Variants in DSG4 observed in about 807,000 individuals in gnomAD.
DSG4 encodes desmoglein 4, also known as desmoglein-4.
In DSG4, 87 loss-of-function variants were observed where a neutral mutation model predicts 93.1. The observed-to-expected ratio is 0.93, with a 90% confidence interval of 0.79 to 1.12. DSG4 has a LOEUF of 1.12. Ranked by LOEUF, DSG4 falls within the 50% of genes most tolerant of loss-of-function variation. The probability of loss-of-function intolerance (pLI) is 0.00; values close to 1 mark genes in which losing one functional copy is unlikely to be tolerated. For missense variants in DSG4, 1,373 were observed against 1,285.7 expected, an observed-to-expected ratio of 1.07 and a Z score of -1.04; for synonymous variants, 432 against 452.9, an observed-to-expected ratio of 0.95 and a Z score of 0.59.
rs142447924 is a variant in DSG4, at chr18:31,380,243, G to A, written c.48+3284G>A. Among the ~76,000 whole-genome samples, 388 of 152,226 alleles carry A rather than the reference G, an allele frequency of 2.5e-3. 2 individuals carry two copies. Among genetic ancestry groups the A allele is most frequent in the African/African-American group, 9.0e-3 (375 of 41,514 alleles). On this transcript the variant is annotated intron_variant, in intron 1 of 15. Transcript: ENST00000308128. ...CCTAAAAAGATTTCATGGCCCTTGG[G>A]ATTCTATGACCCTTTTCCTTTTTGA... is the stretch of plus-strand genomic sequence containing the variant.
intron 5 of DSG4, among the ~76,000 whole-genome samples, chr18:31,389,307 A>G (rs1030368578): frequency 1.3e-5 from 2 of 152,150 alleles, no homozygotes; most frequent in Non-Finnish European, 2.9e-5. Flanking sequence ...AATCCAAGCG[A>G]GCAAACTGAG....
At chr18:31,395,892 G>A (rs2072300098) in intron 8 of DSG4, among the ~76,000 whole-genome samples, 2 of 152,040 alleles carry the variant, frequency 1.3e-5, no homozygotes, top group Admixed American at 1.3e-4. Context: ...GGAGGGCTGA[G>A]GCATGAAAAT....
rs140442214 is a variant in DSG4, at chr18:31,377,079, C to G, written c.48+120C>G. ...TAATCTCCTTCCTGCAAAGAGAGTT[C>G]TAGAAGTCCAGCCTCTGTTAATTTC... is the stretch of plus-strand genomic sequence containing the variant. On this transcript the variant is annotated intron_variant, in intron 1 of 15. Transcript: ENST00000308128. The G allele has an allele frequency of 5.4e-4, 600 of 1,105,716 alleles. 8 individuals are homozygous for G. The East Asian group carries it at 0.014, about 26-fold the overall frequency. 68.5% of individuals were successfully genotyped at this position (1,105,716 alleles called of 1,614,324 possible).
intron 10 of DSG4, among the ~76,000 whole-genome samples, chr18:31,402,327 T>C (rs561212062): frequency 2.0e-5 from 3 of 152,278 alleles, no homozygotes; most frequent in South Asian, 2.1e-4. Context: ...CTATAAGCAA[T>C]AGCTTGAGCT....
At chr18:31,409,617 A>T (rs2072464644) in intron 13 of DSG4, 26 bp downstream of exon 13, 1 of 1,614,106 alleles carries the variant, frequency 6.2e-7, no homozygotes, top group African/African-American at 1.3e-5. Context: ...CTCTCCAGAG[A>T]AGTGTGGAGT....
intron 8 of DSG4, among the ~76,000 whole-genome samples, chr18:31,396,631 C>T (rs925132887): frequency 6.6e-6 from 1 of 152,120 alleles, no homozygotes; most frequent in Admixed American, 6.5e-5. Flanking sequence ...GCTGGGATTA[C>T]ATGTGTGAGC....
chr18:31,393,208 C>A (rs2072268460), intron 8 of DSG4, among the ~76,000 whole-genome samples: 1 of 152,096 alleles, frequency 6.6e-6, no homozygotes. Context: ...CATATATGTA[C>A]ACACATATTT....
At chr18:31,392,818 T>C (rs73953136) in intron 8 of DSG4, among the ~76,000 whole-genome samples, 3,886 of 151,990 alleles carry the variant, frequency 0.026, 169 homozygotes, top group African/African-American at 0.089. Context: ...GGTAATAAAA[T>C]AAACAAACAC....
In DSG4 at chr18:31,386,582, T is replaced by A. The variant is rs1016234799; in HGVS notation, c.85-106T>A. On this transcript the variant is annotated intron_variant, in intron 2 of 15. Transcript: ENST00000308128. The stretch of plus-strand genomic sequence containing the variant: ...TGAAAACATTCTCTGTTCTTCAAAT[T>A]CAATATCACTGTTTCTTCTAAATGC... 8 of 1,521,460 alleles carry A rather than the reference T, an allele frequency of 5.3e-6. No homozygotes were observed. The African/African-American group carries it at 1.1e-4, about 21-fold the overall frequency. 94.2% of individuals were successfully genotyped at this position (1,521,460 alleles called of 1,614,324 possible).
rs2072265320 is a variant in DSG4, at chr18:31,392,934, A to G, written c.1005+594A>G. On this transcript the variant is annotated intron_variant, in intron 8 of 15. Transcript: ENST00000308128. ...ATCAGAAGTCAGATCAGAGAAGTGA[A>G]GCTGAAATCGATCTGCTGAGAACCT... is the stretch of plus-strand genomic sequence containing the variant. Among the ~76,000 whole-genome samples the G allele has an allele frequency of 2.0e-5, 3 of 152,214 alleles. No homozygotes were observed. In the South Asian group the frequency reaches 6.2e-4, roughly 32 times the overall value.
intron 10 of DSG4, among the ~76,000 whole-genome samples, chr18:31,401,331 T>C (rs2072363752): frequency 6.6e-6 from 1 of 152,154 alleles, no homozygotes; most frequent in African/African-American, 2.4e-5. Flanking sequence ...GTAGGGTATG[T>C]TGGGAATGTT....
chr18:31,386,713 G>T lies in DSG4; in HGVS notation c.110G>T (p.Gly37Val). Reference protein sequence around the residue: ...VEVKEFDIENGTTKWQTVRRQ... With the variant: ...VEVKEFDIENVTTKWQTVRRQ... ...GTGAAGGAATTTGACATTGAAAATG[G>T]CACTACAAAATGGCAAACAGTCAGA... The change falls in exon 3 of 16, where the codon GGC (glycine) becomes GTC (valine). Residue 37 changes from glycine to valine, a missense_variant. Gly to Val is a moderately radical substitution (Grantham distance 109). Coordinates refer to ENST00000308128, the MANE Select transcript of DSG4 (RefSeq NM_177986.5). 6.2e-7 allele frequency: 1 copy of T among 1,613,290 alleles called. No homozygotes were observed. The highest frequency in any genetic ancestry group is 8.5e-7 in the Non-Finnish European group (1 of 1,179,390).
In DSG4 at chr18:31,411,093, G is replaced by GT. The variant is rs746700031; in HGVS notation, c.2138-137dup. On this transcript the variant is annotated intron_variant, in intron 14 of 15. Coordinates refer to ENST00000308128, the MANE Select transcript of DSG4 (RefSeq NM_177986.5). ...GCCTGGAGATGTATCGGTGTAACTT[G>GT]TATCTCTCTTTGTCAGCTTTTTAGC... 8.2e-6 allele frequency: 13 copies of GT among 1,578,722 alleles called. 1 individual carries two copies. The South Asian group carries it at 1.5e-4, about 18-fold the overall frequency.
chr18:31,406,354 G>A lies in DSG4; in HGVS notation c.1914G>A (p.Leu638=). The change falls in exon 12 of 16, where the codon CTG becomes CTA. Residue 638 remains leucine (L), a synonymous_variant. Transcript: ENST00000308128. ...CAGCAGGGATTGGCATGATGGTTCT[G>A]GGCATCCTGCTACTGATTTGTAAGT... ...LGPAGIGMMV[L]GILLLILAPL... is the part of the protein sequence containing the mutation. 1 of 1,614,198 alleles carries A rather than the reference G, an allele frequency of 6.2e-7. No homozygotes were observed.
At chr18:31,396,980 G>A (rs114687568) in intron 8 of DSG4, among the ~76,000 whole-genome samples, 103 of 152,216 alleles carry the variant, frequency 6.8e-4, no homozygotes, top group African/African-American at 2.5e-3. Context: ...TACACACTCA[G>A]GCAGATATTT....
intron 12 of DSG4, 68 bp from the exon 13 acceptor site, chr18:31,409,384 T>G (rs551183642): frequency 2.5e-6 from 4 of 1,610,446 alleles, no homozygotes; most frequent in East Asian, 2.2e-5. Flanking sequence ...CTCCCCAGAA[T>G]GATTCATCCA....
chr18:31,391,851 C>T (rs1349664498), intron 7 of DSG4, among the ~76,000 whole-genome samples: 3 of 151,568 alleles, frequency 2.0e-5, no homozygotes, highest in Admixed American at 6.6e-5. Context: ...AAAATCTGGT[C>T]CTCTATCTAA....
At chr18:31,400,823 A>T in intron 9 of DSG4, 58 bp from the exon 10 acceptor site, 1 of 1,574,978 alleles carries the variant, frequency 6.3e-7, no homozygotes, top group Non-Finnish European at 8.7e-7. Context: ...CTGTTACATG[A>T]TTTAAAAGTA....
At chr18:31,394,501 C>T (rs1012434158) in intron 8 of DSG4, among the ~76,000 whole-genome samples, 4 of 152,064 alleles carry the variant, frequency 2.6e-5, no homozygotes, top group Non-Finnish European at 5.9e-5. Flanking sequence ...CGCTTGAACC[C>T]GGGAGGCGGA....
Sources: allele counts gnomAD v4.1 joint callset (sites outside exome capture counted in the v4.1 genomes callset), GRCh38; gene constraint gnomAD v4.1.1; transcripts MANE v1.5; gene names NCBI Gene and HGNC (gene_info 2026-07-23, HGNC 2026-07-21).